AUTS2: variants seen among roughly 807,000 people sequenced by gnomAD.
The protein encoded by AUTS2 is activator of transcription and developmental regulator AUTS2.
Under a neutral mutation model 112.4 loss-of-function variants are expected in AUTS2, and 17 were observed. The ratio of observed to expected loss-of-function variants is 0.15; its 90% confidence interval spans 0.10 to 0.23. The LOEUF (loss-of-function observed/expected upper bound fraction) is 0.23, where lower values mean the gene tolerates loss of function less well. Among genes scored for constraint, AUTS2 ranks in the 10% least tolerant of loss-of-function variants. AUTS2 has a pLI of 1.00. For synonymous variants in AUTS2, 751 were observed against 702.7 expected, an observed-to-expected ratio of 1.07 and a Z score of -1.09; for missense variants, 1,510 against 1,701.6, an observed-to-expected ratio of 0.89 and a Z score of 1.98.
chr7:69,774,934 T>G (rs1272177410), intron 1 of AUTS2, among the ~76,000 whole-genome samples: 2 of 152,208 alleles, frequency 1.3e-5, no homozygotes, highest in Admixed American at 1.3e-4. Flanking sequence ...TATTAATCTG[T>G]TAGCAATCTG....
At chr7:70,769,284 C>T (rs1202649490) in intron 10 of AUTS2, among the ~76,000 whole-genome samples, 3 of 152,348 alleles carry the variant, frequency 2.0e-5, no homozygotes, top group South Asian at 2.1e-4. Flanking sequence ...TTCACGGGGA[C>T]ACCCAAAGCC....
intron 5 of AUTS2, among the ~76,000 whole-genome samples, chr7:70,451,205 G>A (rs1270482266): frequency 6.6e-6 from 1 of 151,990 alleles, no homozygotes; most frequent in Non-Finnish European, 1.5e-5. Flanking sequence ...AATAAATACT[G>A]GGGACTAGTA....
chr7:70,135,120 T>C (rs1247400489), intron 4 of AUTS2, among the ~76,000 whole-genome samples: 1 of 152,180 alleles, frequency 6.6e-6, no homozygotes, highest in African/African-American at 2.4e-5. Flanking sequence ...AGTTTATTTC[T>C]GAACCTTATT....
chr7:70,153,121 A>G (rs554786710), intron 4 of AUTS2, among the ~76,000 whole-genome samples: 1 of 152,230 alleles, frequency 6.6e-6, no homozygotes, highest in Non-Finnish European at 1.5e-5. Flanking sequence ...TTTTACATGA[A>G]TGTTCATAGT....
intron 2 of AUTS2, among the ~76,000 whole-genome samples, chr7:70,021,927 A>G (rs1800294291): frequency 1.3e-5 from 2 of 152,004 alleles, no homozygotes. Context: ...GCCTTTAATG[A>G]CATTTAATCT....
chr7:70,633,732 A>G (rs993549727), intron 5 of AUTS2, among the ~76,000 whole-genome samples: 7 of 152,106 alleles, frequency 4.6e-5, no homozygotes, highest in African/African-American at 1.7e-4. Flanking sequence ...GGAAATTTGA[A>G]TGTGAACCGT....
chr7:70,540,828 G>A (rs1361258583), intron 5 of AUTS2, among the ~76,000 whole-genome samples: 2 of 152,142 alleles, frequency 1.3e-5, no homozygotes, highest in Admixed American at 6.5e-5. Context: ...ATGACAGAAC[G>A]TCAGAGTTGA....
intron 4 of AUTS2, among the ~76,000 whole-genome samples, chr7:70,400,368 G>A (rs1019929255): frequency 3.3e-5 from 5 of 152,188 alleles, no homozygotes; most frequent in African/African-American, 7.2e-5. Context: ...ACTATCTAGA[G>A]TGGTGTGTTC....
intron 4 of AUTS2, among the ~76,000 whole-genome samples, chr7:70,421,818 T>A (rs1404375593): frequency 6.6e-6 from 1 of 152,228 alleles, no homozygotes; most frequent in Non-Finnish European, 1.5e-5. Context: ...CATTTTCTAA[T>A]AAGAGATTGT....
chr7:70,426,369 G>C (rs944139484), intron 4 of AUTS2, among the ~76,000 whole-genome samples: 1 of 152,168 alleles, frequency 6.6e-6, no homozygotes, highest in African/African-American at 2.4e-5. Context: ...AAACGAGGAC[G>C]GTTGCTCCAC....
rs553579606 is a variant in AUTS2, at chr7:70,485,263, A to T, written c.690+49482A>T. Among the ~76,000 whole-genome samples the T allele has an allele frequency of 1.8e-3, 268 of 152,330 alleles. 2 individuals are homozygous for T. The highest frequency in any genetic ancestry group is 0.017 in the Middle Eastern group (5 of 294). ...CATCAATCAACAAGTGGATAAAGAA[A>T]ATGTGGTATATATACACCATGGAAT... On this transcript the variant is annotated intron_variant, in intron 5 of 18. Transcript: ENST00000342771.
intron 2 of AUTS2, among the ~76,000 whole-genome samples, chr7:69,922,718 T>C (rs1034424722): frequency 6.6e-6 from 1 of 152,212 alleles, no homozygotes; most frequent in African/African-American, 2.4e-5. Flanking sequence ...GATCATTTAC[T>C]TATAGAGTGT....
At chr7:70,295,423 G>C (rs1027978387) in intron 4 of AUTS2, among the ~76,000 whole-genome samples, 38 of 152,232 alleles carry the variant, frequency 2.5e-4, no homozygotes, top group African/African-American at 9.1e-4. Context: ...GACTCCTACT[G>C]CTTAAACCTC....
intron 4 of AUTS2, among the ~76,000 whole-genome samples, chr7:70,395,625 T>C (rs1176762777): frequency 6.6e-6 from 1 of 152,230 alleles, no homozygotes; most frequent in Non-Finnish European, 1.5e-5. Flanking sequence ...GTGATCTCAG[T>C]TAGCTGCCAT....
chr7:70,496,800 A>C lies in AUTS2; in HGVS notation c.690+61019A>C, dbSNP rs1242846638. Among the ~76,000 whole-genome samples the C allele has an allele frequency of 5.6e-5, 7 of 125,440 alleles. No homozygotes were observed. In the East Asian group the frequency reaches 8.1e-4, roughly 14 times the overall value. 82.3% of individuals were successfully genotyped at this position (125,440 alleles called of 152,430 possible). ...ACAGTCAGACACACACACACACCCC[A>C]CACATGCACACGTCACATCAGCATC... On this transcript the variant is annotated intron_variant, in intron 5 of 18. Coordinates refer to ENST00000342771, the MANE Select transcript of AUTS2 (RefSeq NM_015570.4).
At chr7:69,791,931 G>A (rs571894658) in intron 1 of AUTS2, among the ~76,000 whole-genome samples, 2 of 152,242 alleles carry the variant, frequency 1.3e-5, no homozygotes, top group Admixed American at 6.5e-5. Context: ...ATCTGCATGT[G>A]GCCTGCAGGC....
chr7:69,684,067 C>T (rs937570589), intron 1 of AUTS2, among the ~76,000 whole-genome samples: 10 of 152,286 alleles, frequency 6.6e-5, no homozygotes, highest in Non-Finnish European at 1.5e-4. Flanking sequence ...TAAGACTCAG[C>T]CATCTTGAGA....
intron 5 of AUTS2, among the ~76,000 whole-genome samples, chr7:70,479,145 T>C (rs1207620699): frequency 1.3e-5 from 2 of 152,180 alleles, no homozygotes; most frequent in Non-Finnish European, 2.9e-5. Flanking sequence ...GCATTTTTTG[T>C]GCTAAGGTAT....
intron 2 of AUTS2, among the ~76,000 whole-genome samples, chr7:69,950,686 T>C (rs1403218837): frequency 2.0e-5 from 3 of 152,134 alleles, no homozygotes; most frequent in African/African-American, 7.2e-5. Context: ...GGTCCAGTGT[T>C]CCAAGTGAAG....
Sources: allele counts gnomAD v4.1 joint callset (sites outside exome capture counted in the v4.1 genomes callset), GRCh38; gene constraint gnomAD v4.1.1; transcripts MANE v1.5; gene names NCBI Gene and HGNC (gene_info 2026-07-23, HGNC 2026-07-21).